Variants in RSRC2 observed in about 807,000 individuals in gnomAD.
RSRC2 encodes arginine and serine rich coiled-coil 2.
In RSRC2, 5 loss-of-function variants were observed where a neutral mutation model predicts 61.3. The ratio of observed to expected loss-of-function variants is 0.08; its 90% CI spans 0.04 to 0.17. RSRC2 has a LOEUF of 0.17. RSRC2 is among the 10% of genes least tolerant of loss of function. RSRC2 has a pLI of 1.00. For synonymous variants in RSRC2, 202 were observed against 166.5 expected (o/e 1.21, Z -1.64); for missense variants, 381 against 518.8 (o/e 0.73, Z 2.58).
intron 6 of RSRC2, among the ~76,000 whole-genome samples, chr12:122,512,246 C>T (rs1463036130): frequency 6.6e-6 from 1 of 152,206 alleles, no homozygotes; most frequent in African/African-American, 2.4e-5. Flanking sequence ...GTAACATTAT[C>T]TTCACAATGA....
chr12:122,522,551 CTT>C (rs773794392), intron 1 of RSRC2: 37 of 295,396 alleles, frequency 1.3e-4, no homozygotes, highest in Middle Eastern at 1.9e-3. Flanking sequence ...ATTTGTATAA[CTT>C]TTAAAACATG....
Position 122,511,935 on chromosome 12 carries a change from T to C in RSRC2, c.726-747A>G, listed in dbSNP as rs140316716. On this transcript the variant is annotated intron_variant, in intron 6 of 9. Coordinates refer to ENST00000331738, the MANE Select transcript of RSRC2 (RefSeq NM_023012.6). ...GATTCTCCTGCCTCAGCCTCCTGTGTAGCCGGGATTACAGGTACACACCAC... is the reference window on the plus strand; with the variant it reads ...GATTCTCCTGCCTCAGCCTCCTGTGCAGCCGGGATTACAGGTACACACCAC... Among the ~76,000 whole-genome samples the C allele has an allele frequency of 3.9e-5, 6 of 152,330 alleles. No homozygotes were observed. The East Asian group carries it at 1.2e-3, about 29-fold the overall frequency.
intron 7 of RSRC2, among the ~76,000 whole-genome samples, chr12:122,509,473 C>CA (rs555748068): frequency 1.9e-3 from 288 of 148,488 alleles, no homozygotes; most frequent in Admixed American, 6.0e-3. Flanking sequence ...AAAACAAAAA[C>CA]AAAAAAAAAC....
At chr12:122,521,174 T>C (rs991776199) in intron 3 of RSRC2, 13 of 443,148 alleles carry the variant, frequency 2.9e-5, no homozygotes, top group African/African-American at 9.9e-5. Flanking sequence ...ATTTTCACAA[T>C]ATAATAAAAT....
In RSRC2 at chr12:122,516,700, ATTTG is replaced by A. The variant is rs773775998; in HGVS notation, c.602+523_602+526del. 4.1e-4 allele frequency among the ~76,000 whole-genome samples: 62 copies of A among 152,170 alleles called. 1 individual carries two copies. In the Middle Eastern group the frequency reaches 0.014, roughly 33 times the overall value. ...CAAATCCAGTGTTGAACACAACTGA[ATTTG>A]TTTGTTACGACAGGATTCACTCCTG... On this transcript the variant is annotated intron_variant, in intron 5 of 9. Coordinates refer to ENST00000331738, the MANE Select transcript of RSRC2 (RefSeq NM_023012.6).
intron 6 of RSRC2, chr12:122,514,466 T>C (rs1958762628): frequency 8.9e-6 from 3 of 335,470 alleles, no homozygotes; most frequent in South Asian, 2.4e-4. Context: ...GGTTTCACCA[T>C]GTTGGCCAGG....
At position 122,511,939 on chromosome 12, in the gene RSRC2, C is replaced by T. The variant is rs575822958; in HGVS notation, c.726-751G>A. On this transcript the variant is annotated intron_variant, in intron 6 of 9. Transcript: ENST00000331738. The stretch of plus-strand genomic sequence containing the variant: ...CTCCTGCCTCAGCCTCCTGTGTAGC[C>T]GGGATTACAGGTACACACCACCATG... Among the ~76,000 whole-genome samples the T allele has an allele frequency of 4.5e-4, 69 of 152,228 alleles. No individual in the cohort carries two copies. In the South Asian group the frequency reaches 0.013, roughly 28 times the overall value.
At chr12:122,514,084 C>A (rs1490833580) in intron 6 of RSRC2, among the ~76,000 whole-genome samples, 3 of 152,078 alleles carry the variant, frequency 2.0e-5, no homozygotes, top group Non-Finnish European at 4.4e-5. Context: ...CCTAAAAAGT[C>A]TATTTTTCAA....
At position 122,504,811 on chromosome 12, in the gene RSRC2, G is replaced by A. The variant is rs926130156; in HGVS notation, c.*716C>T. 9.2e-5 allele frequency: 14 copies of A among 152,540 alleles called. No homozygotes were observed. Among genetic ancestry groups the A allele is most frequent in the Non-Finnish European group, 1.9e-4 (13 of 68,024 alleles). 9.4% of individuals were successfully genotyped at this position (152,540 alleles called of 1,614,324 possible). ...CTCCTGAATAACACATGTAATATTT[G>A]ACAAATACTGAATACCAAGTCTGTC... On this transcript the variant is annotated 3_prime_UTR_variant, in exon 10 of 10. Coordinates refer to ENST00000331738, the MANE Select transcript of RSRC2 (RefSeq NM_023012.6).
At chr12:122,506,637 T>C (rs1958133501) in intron 9 of RSRC2, 197 bp downstream of exon 9, 6 of 514,740 alleles carry the variant, frequency 1.2e-5, no homozygotes, top group African/African-American at 1.9e-5. Flanking sequence ...TCTCCAAGTG[T>C]GTGTGTAGGG....
intron 1 of RSRC2, among the ~76,000 whole-genome samples, chr12:122,526,604 G>A (rs1015569577): frequency 2.6e-5 from 4 of 151,992 alleles, no homozygotes; most frequent in Non-Finnish European, 5.9e-5. Context: ...GGAACGTAGG[G>A]TTGGGGAAGA....
In RSRC2 at chr12:122,505,392, A is replaced by C. The variant is rs943958818; in HGVS notation, c.*135T>G. On this transcript the variant is annotated 3_prime_UTR_variant, in exon 10 of 10. Transcript: ENST00000331738. ...CCAGTATCACTGATCTGATATTTAC[A>C]AAAATTTGTATTTTTCAATAAATTA... The C allele has an allele frequency of 1.3e-6, 1 of 777,844 alleles. No homozygotes were observed. The highest frequency in any genetic ancestry group is 2.0e-6 in the Non-Finnish European group (1 of 499,454). The allele number at this position is 777,844 out of a possible 1,614,324, so 48.2% of individuals were successfully genotyped here.
In RSRC2 at chr12:122,508,248, C is replaced by T. The variant is rs1472669759; in HGVS notation, c.1005G>A (p.Arg335=). The change falls in exon 8 of 10, where the codon AGG becomes AGA. Residue 335 remains arginine, a synonymous_variant. Transcript: ENST00000331738. ...PMKFAEQEKK[R]KMLWQGKKEG... ...CTTTCTTGCCCTGCCAAAGCATTTTCCTTTTTTTCTCTTGTTCAGCAAATT... is the reference window on the plus strand; with the variant it reads ...CTTTCTTGCCCTGCCAAAGCATTTTTCTTTTTTTCTCTTGTTCAGCAAATT... 2 of 1,614,056 alleles carry T rather than the reference C, an allele frequency of 1.2e-6. No individual in the cohort carries two copies. Among genetic ancestry groups the T allele is most frequent in the Admixed American group, 3.3e-5 (2 of 60,004 alleles).
chr12:122,519,995 T>G (rs1363759090), intron 3 of RSRC2: 1 of 153,294 alleles, frequency 6.5e-6, no homozygotes, highest in Non-Finnish European at 1.5e-5. Context: ...CCCCTTATTT[T>G]ATGTATAACT....
chr12:122,526,759 C>A (rs1960580606), intron 1 of RSRC2, 89 bp downstream of exon 1: 31 of 1,475,100 alleles, frequency 2.1e-5, no homozygotes, highest in Non-Finnish European at 2.9e-5. Flanking sequence ...TACACACATA[C>A]ACACGAACAA....
intron 4 of RSRC2, among the ~76,000 whole-genome samples, chr12:122,518,003 G>C (rs769593080): frequency 2.6e-5 from 4 of 152,176 alleles, no homozygotes; most frequent in African/African-American, 2.4e-5. Flanking sequence ...AGATTAAGTG[G>C]TTAAAAATCT....
rs1178077654 is a variant in RSRC2, at chr12:122,522,228, C to T, written c.78G>A (p.Gln26=). 10 of 1,613,952 alleles carry T rather than the reference C, an allele frequency of 6.2e-6. No homozygotes were observed. The highest frequency in any genetic ancestry group is 1.3e-5 in the African/African-American group (1 of 74,924). The change falls in exon 2 of 10, where the codon CAG becomes CAA. Residue 26 remains glutamine, a synonymous_variant. Transcript: ENST00000331738. ...TSPDRDKKKE[Q]SEVSVSPRAS... ...CTCTAGGAGAAACAGATACTTCTGA[C>T]TGCTCTTTTTTCTTATCTCTATCTG...
At chr12:122,518,124 C>T (rs917952559) in intron 4 of RSRC2, among the ~76,000 whole-genome samples, 8 of 151,940 alleles carry the variant, frequency 5.3e-5, no homozygotes, top group Non-Finnish European at 8.8e-5. Flanking sequence ...TGGCCAAAAC[C>T]CGTCTCTACA....
intron 7 of RSRC2, 123 bp from the exon 8 acceptor site, chr12:122,508,570 T>C (rs1030567979): frequency 1.4e-5 from 10 of 719,276 alleles, no homozygotes; most frequent in Non-Finnish European, 2.3e-5. Context: ...TTTCACCAAA[T>C]CCAAGGAAAT....
Sources: gnomAD v4.1 joint callset for allele counts (sites outside exome capture counted in the v4.1 genomes callset) on GRCh38, gnomAD v4.1.1 for gene constraint, MANE v1.5 for transcripts, NCBI Gene and HGNC (gene_info 2026-07-23, HGNC 2026-07-21) for gene names.